The following NRXN3 variants were observed in gnomAD, a reference collection of about 807,000 sequenced individuals.
The protein encoded by NRXN3 is neurexin 3.
NRXN3 carries 32 observed loss-of-function variants against 137.6 expected under a neutral mutation model. The ratio of observed to expected loss-of-function variants is 0.23; its 90% CI spans 0.18 to 0.31. The LOEUF (loss-of-function observed/expected upper bound fraction) is 0.31. NRXN3 is among the 10% of genes least tolerant of loss of function. The pLI, the probability that NRXN3 is intolerant of heterozygous loss-of-function variation, is 1.00. For synonymous variants in NRXN3, 798 were observed against 784.5 expected (o/e 1.02, Z -0.29); for missense variants, 1,574 against 2,062.5 (o/e 0.76, Z 4.59).
chr14:79,200,453 T>C (rs2065811939), intron 15 of NRXN3, among the ~76,000 whole-genome samples: 1 of 151,882 alleles, frequency 6.6e-6, no homozygotes, highest in Admixed American at 6.6e-5. Flanking sequence ...ATAGTGAGGG[T>C]CTCAGAACAG....
chr14:79,160,007 G>A (rs2060611255), intron 15 of NRXN3, among the ~76,000 whole-genome samples: 2 of 151,840 alleles, frequency 1.3e-5, no homozygotes, highest in Admixed American at 1.3e-4. Context: ...GAATGAAATG[G>A]CTTGCAGGAA....
At chr14:78,957,883 A>G (rs1256425449) in intron 11 of NRXN3, among the ~76,000 whole-genome samples, 2 of 152,228 alleles carry the variant, frequency 1.3e-5, no homozygotes, top group Non-Finnish European at 2.9e-5. Context: ...ATTCTGCACT[A>G]CACACCATTT....
intron 15 of NRXN3, among the ~76,000 whole-genome samples, chr14:79,420,349 G>A (rs1178970998): frequency 1.3e-5 from 2 of 152,162 alleles, no homozygotes; most frequent in East Asian, 3.9e-4. Context: ...ACCCATTTAT[G>A]CTGGAGGTTG....
intron 10 of NRXN3, among the ~76,000 whole-genome samples, chr14:78,883,658 G>C (rs1268657351): frequency 6.6e-6 from 1 of 152,164 alleles, no homozygotes; most frequent in Non-Finnish European, 1.5e-5. Context: ...TGAACCATGT[G>C]ATGTCTGTGT....
At chr14:78,374,216 T>C (rs2087386364) in intron 4 of NRXN3, among the ~76,000 whole-genome samples, 1 of 152,218 alleles carries the variant, frequency 6.6e-6, no homozygotes, top group Admixed American at 6.5e-5. Flanking sequence ...AAACAACTTC[T>C]GAAGTGCTAT....
At chr14:79,144,396 A>T (rs1339048955) in intron 15 of NRXN3, among the ~76,000 whole-genome samples, 1 of 152,182 alleles carries the variant, frequency 6.6e-6, no homozygotes, top group Non-Finnish European at 1.5e-5. Flanking sequence ...GTCTCCTGAG[A>T]TTGGAATGGA....
At chr14:79,601,785 A>G (rs1010176246) in intron 16 of NRXN3, among the ~76,000 whole-genome samples, 4 of 152,174 alleles carry the variant, frequency 2.6e-5, no homozygotes, top group African/African-American at 7.2e-5. Flanking sequence ...AAATGAGTCA[A>G]TGTGCCGAAG....
intron 15 of NRXN3, among the ~76,000 whole-genome samples, chr14:79,314,854 C>A (rs1282287297): frequency 1.3e-5 from 2 of 150,560 alleles, no homozygotes; most frequent in East Asian, 2.0e-4. Flanking sequence ...AGCTGAGGGT[C>A]CTGTCTGTTA....
intron 19 of NRXN3, among the ~76,000 whole-genome samples, chr14:79,804,681 C>T (rs1278819773): frequency 6.6e-6 from 1 of 152,158 alleles, no homozygotes; most frequent in Non-Finnish European, 1.5e-5. Flanking sequence ...ACACTTGAGA[C>T]CACACACCAT....
chr14:78,380,940 G>C (rs537449586), intron 4 of NRXN3, among the ~76,000 whole-genome samples: 1 of 152,256 alleles, frequency 6.6e-6, no homozygotes, highest in African/African-American at 2.4e-5. Flanking sequence ...AATCAAGACT[G>C]TGTGTTACTG....
chr14:79,422,445 C>T (rs2095592224), intron 15 of NRXN3, among the ~76,000 whole-genome samples: 1 of 152,166 alleles, frequency 6.6e-6, no homozygotes, highest in South Asian at 2.1e-4. Flanking sequence ...TCACTACCTT[C>T]ATTTGCTTTT....
chr14:79,757,271 C>T (rs941549013), intron 19 of NRXN3, among the ~76,000 whole-genome samples: 7 of 152,154 alleles, frequency 4.6e-5, no homozygotes, highest in Non-Finnish European at 7.4e-5. Flanking sequence ...AATGAGGACA[C>T]AAAAGAGATG....
At chr14:79,416,148 C>G (rs1050919025) in intron 15 of NRXN3, among the ~76,000 whole-genome samples, 4 of 152,090 alleles carry the variant, frequency 2.6e-5, no homozygotes, top group Non-Finnish European at 4.4e-5. Flanking sequence ...ATGTACCCAA[C>G]ACAGGGCAAG....
In NRXN3 at chr14:79,261,040, A is replaced by T. The variant is rs192725465; in HGVS notation, c.3263-206181A>T. 3.1e-3 allele frequency among the ~76,000 whole-genome samples: 465 copies of T among 152,226 alleles called. 2 individuals are homozygous for T. The highest frequency in any genetic ancestry group is 4.5e-3 in the Non-Finnish European group (308 of 68,006). ...CAGGTTCATGGCAAAGTTTGAGAGG[A>T]GATTCAAAGGTAAGAAAGGGGCTCC... On this transcript the variant is annotated intron_variant, in intron 15 of 20. Transcript: ENST00000335750.
chr14:79,296,948 A>G (rs1566711071), intron 15 of NRXN3, among the ~76,000 whole-genome samples: 1 of 152,190 alleles, frequency 6.6e-6, no homozygotes, highest in Admixed American at 6.5e-5. Flanking sequence ...CTCATCACTC[A>G]AAGGTCCTTC....
Position 78,670,522 on chromosome 14 carries a change from C to T in NRXN3, c.1221+19196C>T, listed in dbSNP as rs569515855. On this transcript the variant is annotated intron_variant, in intron 6 of 20. Transcript: ENST00000335750. The stretch of plus-strand genomic sequence containing the variant: ...AGCCTTGTTTTACCCAGCCCCTATT[C>T]AATATGGAGTTTCTGTAGTTCAAAT... 3.9e-5 allele frequency among the ~76,000 whole-genome samples: 6 copies of T among 152,276 alleles called. No homozygotes were observed. The South Asian group carries it at 1.2e-3, about 32-fold the overall frequency.
At chr14:78,443,000 G>A (rs1205539626) in intron 4 of NRXN3, among the ~76,000 whole-genome samples, 1 of 152,202 alleles carries the variant, frequency 6.6e-6, no homozygotes, top group African/African-American at 2.4e-5. Flanking sequence ...GAGGTGGGAA[G>A]GGGCTTGTGT....
intron 16 of NRXN3, among the ~76,000 whole-genome samples, chr14:79,658,801 A>T (rs1316783127): frequency 6.6e-6 from 1 of 152,218 alleles, no homozygotes; most frequent in Non-Finnish European, 1.5e-5. Context: ...GAAGCCTAGC[A>T]GTTAAGACAC....
intron 15 of NRXN3, among the ~76,000 whole-genome samples, chr14:79,105,790 T>A (rs939640306): frequency 2.6e-5 from 4 of 152,094 alleles, no homozygotes; most frequent in Non-Finnish European, 5.9e-5. Context: ...ATGTCAAAGG[T>A]ACTGGGCCTG....
Sources: gnomAD v4.1 joint callset for allele counts (sites outside exome capture counted in the v4.1 genomes callset) on GRCh38, gnomAD v4.1.1 for gene constraint, MANE v1.5 for transcripts, NCBI Gene and HGNC (gene_info 2026-07-23, HGNC 2026-07-21) for gene names.